AMOTL1: variants seen among roughly 807,000 people sequenced by gnomAD.
AMOTL1 encodes angiomotin-like protein 1.
In AMOTL1, 45 loss-of-function variants were observed where a neutral mutation model predicts 102.9. The observed-to-expected ratio is 0.44, with a 90% CI of 0.34 to 0.56. The LOEUF (loss-of-function observed/expected upper bound fraction) is 0.56, where lower values mean the gene tolerates loss of function less well. Among genes scored for constraint, AMOTL1 ranks in the 20% least tolerant of loss-of-function variants. AMOTL1 has a pLI of 0.01. For synonymous variants in AMOTL1, 481 were observed against 484.7 expected (o/e 0.99, Z 0.10); for missense variants, 1,114 against 1,225.6 (o/e 0.91, Z 1.36).
intron 2 of AMOTL1, among the ~76,000 whole-genome samples, chr11:94,739,551 A>G (rs1164922525): frequency 6.6e-6 from 1 of 152,194 alleles, no homozygotes; most frequent in Non-Finnish European, 1.5e-5. Context: ...GGATGAGAGC[A>G]CATTGGCTCA....
At chr11:94,743,375 C>G (rs993652871) in intron 3 of AMOTL1, among the ~76,000 whole-genome samples, 1 of 152,214 alleles carries the variant, frequency 6.6e-6, no homozygotes, top group Admixed American at 6.5e-5. Context: ...GGGTTATTCT[C>G]TCCATGACAG....
At chr11:94,864,649 C>G (rs1470399292) in intron 9 of AMOTL1, 86 bp from the exon 10 acceptor site, 1 of 1,537,686 alleles carries the variant, frequency 6.5e-7, no homozygotes, top group South Asian at 1.3e-5. Flanking sequence ...CCAGCATGAA[C>G]ACCAGCCTCT....
At chr11:94,749,694 G>A (rs905374376) in intron 3 of AMOTL1, among the ~76,000 whole-genome samples, 50 of 152,270 alleles carry the variant, frequency 3.3e-4, no homozygotes, top group African/African-American at 1.1e-3. Flanking sequence ...CTGATAGGAC[G>A]CTGACTGATA....
chr11:94,849,803 G>A (rs1410189706), intron 6 of AMOTL1, among the ~76,000 whole-genome samples: 4 of 152,166 alleles, frequency 2.6e-5, no homozygotes, highest in East Asian at 3.9e-4. Context: ...AAATGTAATA[G>A]TAGATACAAG....
chr11:94,775,503 A>G (rs1286690745), intron 1 of AMOTL1, among the ~76,000 whole-genome samples: 1 of 151,878 alleles, frequency 6.6e-6, no homozygotes, highest in East Asian at 1.9e-4. Context: ...TTTTTCTAGC[A>G]GTTTAGGACA....
At chr11:94,808,681 A>T (rs777839717) in intron 3 of AMOTL1, among the ~76,000 whole-genome samples, 2 of 152,300 alleles carry the variant, frequency 1.3e-5, no homozygotes, top group African/African-American at 2.4e-5. Flanking sequence ...CAGGCCTTCT[A>T]GGGTACATGC....
At chr11:94,776,389 C>G (rs1429581136) in intron 1 of AMOTL1, among the ~76,000 whole-genome samples, 1 of 152,212 alleles carries the variant, frequency 6.6e-6, no homozygotes, top group African/African-American at 2.4e-5. Flanking sequence ...GGGCTAATTA[C>G]CTGTTTCCTG....
Position 94,799,994 on chromosome 11 carries a change from G to C in AMOTL1, c.804G>C (p.Leu268=), listed in dbSNP as rs1348597312. The C allele has an allele frequency of 6.2e-7, 1 of 1,613,928 alleles. No individual in the cohort carries two copies. Among genetic ancestry groups the C allele is most frequent in the African/African-American group, 1.3e-5 (1 of 74,944 alleles). The change falls in exon 3 of 13, where the codon CTG becomes CTC. Residue 268 remains leucine, a synonymous_variant. Transcript: ENST00000433060. This position sits in a 1 kb window ranked among gnomAD's most constrained non-coding sequence, Gnocchi z 4.5. ...VRSLSERIMQ[L]SLERNGAKQH... ...CGCTCAGCGAGAGAATCATGCAGCT[G>C]TCCCTGGAGAGGAATGGGGCCAAGC... is the stretch of plus-strand genomic sequence containing the variant.
chr11:94,774,139 A>T (rs1337345885), intron 1 of AMOTL1, among the ~76,000 whole-genome samples: 2 of 152,184 alleles, frequency 1.3e-5, no homozygotes, highest in Non-Finnish European at 2.9e-5. Context: ...ACACTTTATA[A>T]TGTTACGTAA....
Position 94,856,136 on chromosome 11 carries a change from C to T in AMOTL1, c.1944+2054C>T, listed in dbSNP as rs369982087. Among the ~76,000 whole-genome samples the T allele has an allele frequency of 2.0e-5, 3 of 152,102 alleles. No homozygotes were observed. In the East Asian group the frequency reaches 5.8e-4, roughly 29 times the overall value. ...ATGAAATACATTCAGGGATTATGTC[C>T]CTGTTGCTCTTGATACTCATTAAAA... On this transcript the variant is annotated intron_variant, in intron 8 of 12. Coordinates refer to ENST00000433060, the MANE Select transcript of AMOTL1 (RefSeq NM_130847.3).
At chr11:94,743,209 C>CG (rs1950549168) in intron 3 of AMOTL1, among the ~76,000 whole-genome samples, 1 of 152,146 alleles carries the variant, frequency 6.6e-6, no homozygotes, top group South Asian at 2.1e-4. Context: ...CTGCAAAAAG[C>CG]GGGGGTTGTG....
intron 3 of AMOTL1, among the ~76,000 whole-genome samples, chr11:94,812,722 A>G (rs953488702): frequency 4.6e-5 from 7 of 152,058 alleles, no homozygotes; most frequent in East Asian, 1.9e-4. Flanking sequence ...CCTTTGGCTT[A>G]GTGATTTTGG....
At chr11:94,708,989 G>T (rs1051126698) in intron 1 of AMOTL1, among the ~76,000 whole-genome samples, 7 of 152,214 alleles carry the variant, frequency 4.6e-5, no homozygotes, top group African/African-American at 1.7e-4. Context: ...AAAATCGTTG[G>T]TTGAAGTAAA....
rs1310748216 is a variant in AMOTL1, at chr11:94,875,273, G to A, written c.*4478G>A. 1 of 152,126 alleles carries A rather than the reference G, an allele frequency of 6.6e-6. No homozygotes were observed. The highest frequency in any genetic ancestry group is 1.5e-5 in the Non-Finnish European group (1 of 68,016). The allele number at this position is 152,126 out of a possible 1,614,324, so 9.4% of individuals were successfully genotyped here. A position where few individuals can be genotyped will look rare whatever the true frequency, so the allele number is the denominator to read the frequency against. On this transcript the variant is annotated 3_prime_UTR_variant, in exon 13 of 13. Coordinates refer to ENST00000433060, the MANE Select transcript of AMOTL1 (RefSeq NM_130847.3). ...GTCGGCTGGGGAAATGCAAAAGTTA[G>A]CATTTCAGTAGTGAATTTCTCCTGG... is the stretch of plus-strand genomic sequence containing the variant.
intron 1 of AMOTL1, among the ~76,000 whole-genome samples, chr11:94,788,554 C>T (rs1355263646): frequency 2.0e-5 from 3 of 152,220 alleles, no homozygotes; most frequent in East Asian, 1.9e-4. Context: ...CTCTATGTCC[C>T]TTCCGTCAGT....
chr11:94,813,764 C>T (rs778393934), intron 3 of AMOTL1, among the ~76,000 whole-genome samples: 7 of 152,328 alleles, frequency 4.6e-5, no homozygotes, highest in African/African-American at 1.4e-4. Context: ...ACAGGAGCTT[C>T]GATCAGGAAT....
rs372562787 is a variant in AMOTL1 at position 94,841,567 on chromosome 11, G to A, written c.1649-8547G>A. On this transcript the variant is annotated intron_variant, in intron 6 of 12. Transcript: ENST00000433060. ...TGGAATCACTAGTATGTATATAGTCGAAACCAAGAGCCCTGTGCCTCCTAT... is the reference window on the plus strand; with the variant it reads ...TGGAATCACTAGTATGTATATAGTCAAAACCAAGAGCCCTGTGCCTCCTAT... 1.4e-3 allele frequency among the ~76,000 whole-genome samples: 206 copies of A among 152,314 alleles called. 1 individual carries two copies. The highest frequency in any genetic ancestry group is 4.6e-3 in the African/African-American group (192 of 41,566).
chr11:94,780,853 A>G (rs1034750225), intron 1 of AMOTL1, among the ~76,000 whole-genome samples: 1 of 152,214 alleles, frequency 6.6e-6, no homozygotes. Context: ...GGATTCTTAC[A>G]TTGTTTAAAA....
intron 3 of AMOTL1, among the ~76,000 whole-genome samples, chr11:94,814,927 C>G (rs951553707): frequency 2.0e-5 from 3 of 152,194 alleles, no homozygotes; most frequent in Non-Finnish European, 4.4e-5. Context: ...CCCACACCCC[C>G]TAATACAGAG....
Sources: allele counts gnomAD v4.1 joint callset (sites outside exome capture counted in the v4.1 genomes callset), GRCh38; gene constraint gnomAD v4.1.1; non-coding constraint Gnocchi (gnomAD v3.1); transcripts MANE v1.5; gene names NCBI Gene and HGNC (gene_info 2026-07-23, HGNC 2026-07-21).